PALD1: variants seen among roughly 807,000 people sequenced by gnomAD.
PALD1 encodes the protein phosphatase domain containing paladin 1.
A neutral mutation model predicts 96.0 loss-of-function variants in PALD1; 57 were observed. The observed-to-expected ratio is 0.59, with a 90% CI of 0.48 to 0.74. The LOEUF (loss-of-function observed/expected upper bound fraction) is 0.74. Among genes scored for constraint, PALD1 ranks in the 30% least tolerant of loss-of-function variants. PALD1 has a pLI of 0.00. For synonymous variants in PALD1, 464 were observed against 473.6 expected (o/e 0.98, Z 0.26); for missense variants, 1,063 against 1,143.7 (o/e 0.93, Z 1.02).
the PALD1 span, among the ~76,000 whole-genome samples, chr10:70,470,031 TG>T: frequency 6.6e-6 from 1 of 152,158 alleles, no homozygotes; most frequent in Non-Finnish European, 1.5e-5. Flanking sequence ...TGACCTCAGG[TG>T]ATCTGCCCGC....
At chr10:70,493,508 G>A (rs1447144359) in intron 1 of PALD1, among the ~76,000 whole-genome samples, 3 of 152,162 alleles carry the variant, frequency 2.0e-5, no homozygotes, top group Non-Finnish European at 4.4e-5. Flanking sequence ...TGAGCCTCAG[G>A]ACCAGTTCCT....
intron 1 of PALD1, among the ~76,000 whole-genome samples, chr10:70,512,879 A>G (rs1482258747): frequency 6.6e-6 from 1 of 152,148 alleles, no homozygotes; most frequent in Non-Finnish European, 1.5e-5. Context: ...GTTGTTGCAC[A>G]TTTTTTAATT....
chr10:70,464,624 CTTTTT>C, the PALD1 span, among the ~76,000 whole-genome samples: 29 of 115,242 alleles, frequency 2.5e-4, no homozygotes, highest in African/African-American at 6.4e-4. Context: ...ACTGTACCTC[CTTTTT>C]TTTTTTTTTT....
chr10:70,548,108 C>A (rs1327262223), intron 18 of PALD1, among the ~76,000 whole-genome samples: 1 of 152,248 alleles, frequency 6.6e-6, no homozygotes, highest in East Asian at 1.9e-4. Context: ...GAGTCAGAGA[C>A]CAGACTGGCC....
chr10:70,480,669 C>T (rs1223088098), intron 1 of PALD1, among the ~76,000 whole-genome samples: 3 of 152,218 alleles, frequency 2.0e-5, no homozygotes, highest in Non-Finnish European at 2.9e-5. Flanking sequence ...TGCTCGTGGC[C>T]TTGGGTGCAG....
intron 5 of PALD1, among the ~76,000 whole-genome samples, chr10:70,532,213 G>C (rs1847007439): frequency 6.6e-6 from 1 of 152,176 alleles, no homozygotes; most frequent in Non-Finnish European, 1.5e-5. Context: ...TGTGTGAATA[G>C]AGTGTGGGGT....
the PALD1 span, among the ~76,000 whole-genome samples, chr10:70,473,582 T>A: frequency 1.3e-5 from 2 of 152,186 alleles, no homozygotes; most frequent in South Asian, 4.1e-4. Context: ...GTCTGCCTCA[T>A]TCACTTCTCA....
At chr10:70,526,183 G>C in intron 2 of PALD1, 47 bp downstream of exon 2, 2 of 1,541,538 alleles carry the variant, frequency 1.3e-6, no homozygotes, top group Non-Finnish European at 1.8e-6. Flanking sequence ...GACATGATGG[G>C]CGGGGGGACC....
At chr10:70,546,957 A>G (rs969237400) in intron 17 of PALD1, among the ~76,000 whole-genome samples, 2 of 152,172 alleles carry the variant, frequency 1.3e-5, no homozygotes, top group African/African-American at 4.8e-5. Context: ...TCTCCAAACA[A>G]CAACAACAAC....
chr10:70,513,956 C>T lies in PALD1; in HGVS notation c.-29-11967C>T, dbSNP rs117690431. On this transcript the variant is annotated intron_variant, in intron 1 of 19. Transcript: ENST00000263563. ...GGCAGGCTTTGTCATCCCGAGAACCCGCCTGCCAGGTGAGCTGAGAGGGAG... is the reference window on the plus strand; with the variant it reads ...GGCAGGCTTTGTCATCCCGAGAACCTGCCTGCCAGGTGAGCTGAGAGGGAG... 8.5e-3 allele frequency among the ~76,000 whole-genome samples: 1,301 copies of T among 152,320 alleles called. 8 individuals are homozygous for T. The highest frequency in any genetic ancestry group is 0.031 in the Middle Eastern group (9 of 294).
At chr10:70,519,609 C>G (rs988489797) in intron 1 of PALD1, among the ~76,000 whole-genome samples, 1 of 145,560 alleles carries the variant, frequency 6.9e-6, no homozygotes, top group African/African-American at 2.6e-5. Context: ...AAGTCTGGCT[C>G]TGTCGCCCAG....
intron 1 of PALD1, among the ~76,000 whole-genome samples, chr10:70,493,639 C>T (rs1846136286): frequency 6.6e-6 from 1 of 152,230 alleles, no homozygotes; most frequent in Admixed American, 6.5e-5. Flanking sequence ...CAGTTGGTGG[C>T]AACCCCATGC....
rs1589209048 is a variant in PALD1, at chr10:70,539,543, C to G, written c.1726-37C>G. The G allele has an allele frequency of 6.5e-7, 1 of 1,549,452 alleles. No individual in the cohort carries two copies. The highest frequency in any genetic ancestry group is 8.7e-7 in the Non-Finnish European group (1 of 1,143,232). On this transcript the variant is annotated intron_variant, in intron 14 of 19. Transcript: ENST00000263563. The surrounding 1 kb of genome is among the most constrained non-coding windows in gnomAD (Gnocchi z 4.5). ...CTTTCAGGGCTAGCCTAGAGCCTGC[C>G]CCAGTGGCCTGTGTCCTCCCTCCTG...
intron 17 of PALD1, among the ~76,000 whole-genome samples, chr10:70,545,254 A>T (rs577082818): frequency 7.2e-5 from 11 of 152,242 alleles, no homozygotes; most frequent in Admixed American, 5.2e-4. Context: ...GGGAGCCTTT[A>T]GACCCCAGTT....
chr10:70,508,810 T>TGTGC (rs1846449738), intron 1 of PALD1, among the ~76,000 whole-genome samples: 1 of 82,804 alleles, frequency 1.2e-5, no homozygotes, highest in Admixed American at 1.2e-4. Context: ...TGTGTGTGTG[T>TGTGC]GTGTGTGTGC....
intron 1 of PALD1, among the ~76,000 whole-genome samples, chr10:70,487,490 A>AT (rs1337974503): frequency 6.6e-6 from 1 of 151,468 alleles, no homozygotes; most frequent in African/African-American, 2.4e-5. Flanking sequence ...CCTATCTTCA[A>AT]TGTTTTTTTT....
chr10:70,490,612 A>G (rs748436003), intron 1 of PALD1, among the ~76,000 whole-genome samples: 4 of 152,228 alleles, frequency 2.6e-5, no homozygotes, highest in Non-Finnish European at 5.9e-5. Flanking sequence ...AAAACCAGAA[A>G]GCCAACTCAT....
chr10:70,525,095 G>A (rs12573110), intron 1 of PALD1, among the ~76,000 whole-genome samples: 28,862 of 151,960 alleles, frequency 0.19, 3,345 homozygotes, highest in East Asian at 0.52. Context: ...TTTACTTCCC[G>A]GGTTCAAGCG....
chr10:70,469,308 G>A, the PALD1 span, among the ~76,000 whole-genome samples: 1 of 152,172 alleles, frequency 6.6e-6, no homozygotes, highest in Non-Finnish European at 1.5e-5. Context: ...AGGAGGGCTG[G>A]GCGGAGCCTG....
Sources: allele counts gnomAD v4.1 joint callset (sites outside exome capture counted in the v4.1 genomes callset), GRCh38; gene constraint gnomAD v4.1.1; non-coding constraint Gnocchi (gnomAD v3.1); transcripts MANE v1.5; gene names NCBI Gene and HGNC (gene_info 2026-07-23, HGNC 2026-07-21).